Variants in NRXN3 observed in about 807,000 individuals in gnomAD.
NRXN3 encodes the protein neurexin III.
A neutral mutation model predicts 137.6 loss-of-function variants in NRXN3; 32 were observed. The ratio of observed to expected loss-of-function variants is 0.23; its 90% CI spans 0.18 to 0.31. NRXN3 has a LOEUF of 0.31. Among genes scored for constraint, NRXN3 ranks in the 10% least tolerant of loss-of-function variants. NRXN3 has a pLI of 1.00. For synonymous variants in NRXN3, 798 were observed against 784.5 expected, an observed-to-expected ratio of 1.02 and a Z score of -0.29; for missense variants, 1,574 against 2,062.5, an observed-to-expected ratio of 0.76 and a Z score of 4.59.
At chr14:79,579,182 A>G (rs1350287350) in intron 16 of NRXN3, among the ~76,000 whole-genome samples, 1 of 151,662 alleles carries the variant, frequency 6.6e-6, no homozygotes, top group African/African-American at 2.4e-5. Flanking sequence ...GTGAGTGGAC[A>G]CAGATGAAAA....
intron 15 of NRXN3, chr14:79,279,196 C>T (rs2080826567): frequency 1.6e-5 from 4 of 255,478 alleles, no homozygotes; most frequent in Non-Finnish European, 2.5e-5. Flanking sequence ...GCTGGAGGCT[C>T]GCGCGGGTGT....
chr14:79,707,549 A>G (rs2098785668), intron 19 of NRXN3, among the ~76,000 whole-genome samples: 3 of 152,176 alleles, frequency 2.0e-5, no homozygotes, highest in African/African-American at 7.2e-5. Flanking sequence ...AGGGTAGGTT[A>G]AGATAATATA....
At chr14:79,048,790 C>T (rs1333738215) in intron 15 of NRXN3, among the ~76,000 whole-genome samples, 1 of 149,646 alleles carries the variant, frequency 6.7e-6, no homozygotes, top group East Asian at 2.0e-4. Flanking sequence ...TTTGGGAGGC[C>T]GAGACGGGCG....
intron 4 of NRXN3, among the ~76,000 whole-genome samples, chr14:78,307,149 C>T (rs1449449382): frequency 6.6e-6 from 1 of 151,142 alleles, no homozygotes; most frequent in Non-Finnish European, 1.5e-5. Context: ...TTGGGGATGG[C>T]ATACACAGTG....
chr14:79,531,854 A>C (rs2153720996), intron 16 of NRXN3, among the ~76,000 whole-genome samples: 1 of 152,324 alleles, frequency 6.6e-6, no homozygotes, highest in East Asian at 1.9e-4. Flanking sequence ...GAGAAAAGCA[A>C]CTGAAGTTAC....
intron 4 of NRXN3, among the ~76,000 whole-genome samples, chr14:78,330,402 C>G (rs1311795432): frequency 5.3e-5 from 8 of 152,050 alleles, no homozygotes; most frequent in African/African-American, 1.7e-4. Flanking sequence ...AAAATTCTTC[C>G]TCTCATTTCA....
At chr14:79,379,043 TCTC>T (rs1407937823) in intron 15 of NRXN3, among the ~76,000 whole-genome samples, 1 of 152,158 alleles carries the variant, frequency 6.6e-6, no homozygotes, top group Non-Finnish European at 1.5e-5. Flanking sequence ...AGCCTTTACT[TCTC>T]CGCTTTCTCA....
Position 79,467,237 on chromosome 14 carries a change from C to A in NRXN3, c.3279C>A (p.Ile1093=). Residue 1093 remains isoleucine (I), a synonymous_variant, in exon 16 of 21, where the codon ATC becomes ATA. Coordinates refer to ENST00000335750, the MANE Select transcript of NRXN3 (RefSeq NM_001330195.2). The part of the protein sequence containing the change: ...NQCNDPGATY[I]FGKSGGLILY... ...CTTTTGCAGCTGGCGCTACGTACAT[C>A]TTTGGGAAAAGTGGTGGGCTTATCC... is the stretch of plus-strand genomic sequence containing the variant. The A allele has an allele frequency of 6.2e-7, 1 of 1,602,304 alleles. No homozygotes were observed. The highest frequency in any genetic ancestry group is 8.5e-7 in the Non-Finnish European group (1 of 1,170,360).
At chr14:79,616,169 G>A (rs1256976795) in intron 16 of NRXN3, among the ~76,000 whole-genome samples, 3 of 152,162 alleles carry the variant, frequency 2.0e-5, no homozygotes, top group African/African-American at 7.2e-5. Flanking sequence ...GAAACAGAAG[G>A]ATTGATTAGA....
At chr14:78,517,200 A>G (rs1205010993) in intron 4 of NRXN3, among the ~76,000 whole-genome samples, 1 of 152,136 alleles carries the variant, frequency 6.6e-6, no homozygotes, top group Non-Finnish European at 1.5e-5. Context: ...AAATGTATAA[A>G]TCAGTGTGCA....
chr14:79,627,546 C>T (rs1323176001), intron 16 of NRXN3, among the ~76,000 whole-genome samples: 1 of 152,194 alleles, frequency 6.6e-6, no homozygotes, highest in East Asian at 1.9e-4. Flanking sequence ...TTGCTTGATA[C>T]ATTTCCGAAT....
At chr14:79,776,611 T>C (rs1468880649) in intron 19 of NRXN3, among the ~76,000 whole-genome samples, 1 of 152,220 alleles carries the variant, frequency 6.6e-6, no homozygotes, top group East Asian at 1.9e-4. Context: ...TTCTCTGACG[T>C]AGAGGACTGA....
At chr14:78,207,540 C>T (rs1322073874) in intron 1 of NRXN3, among the ~76,000 whole-genome samples, 1 of 152,162 alleles carries the variant, frequency 6.6e-6, no homozygotes, top group Non-Finnish European at 1.5e-5. Flanking sequence ...GCAACTCCTA[C>T]TTGTTCTTAC....
At chr14:78,988,176 G>C (rs154325) in intron 15 of NRXN3, 35 bp downstream of exon 15, 589,266 of 1,610,574 alleles carry the variant, frequency 0.37, 115,468 homozygotes, top group African/African-American at 0.71. Flanking sequence ...GGAACTTTGT[G>C]AAGATGTTTG....
chr14:79,519,587 G>C (rs1409997101), intron 16 of NRXN3, among the ~76,000 whole-genome samples: 1 of 151,802 alleles, frequency 6.6e-6, no homozygotes, highest in East Asian at 1.9e-4. Flanking sequence ...ATAGATTATA[G>C]AATATGAGTG....
chr14:78,795,683 T>C (rs999193001), intron 8 of NRXN3, among the ~76,000 whole-genome samples: 5 of 152,208 alleles, frequency 3.3e-5, no homozygotes, highest in Non-Finnish European at 5.9e-5. Flanking sequence ...ATGTGAAATA[T>C]TTTTAATAGC....
chr14:78,490,671 G>A (rs1363525642), intron 4 of NRXN3, among the ~76,000 whole-genome samples: 1 of 152,140 alleles, frequency 6.6e-6, no homozygotes, highest in Non-Finnish European at 1.5e-5. Flanking sequence ...AATAATAGCA[G>A]TAAGCTAACT....
At chr14:79,487,698 G>T (rs1169476973) in intron 16 of NRXN3, among the ~76,000 whole-genome samples, 1 of 146,140 alleles carries the variant, frequency 6.8e-6, no homozygotes, top group Non-Finnish European at 1.5e-5. Context: ...TCTCAGTTGT[G>T]TGAGAGCCTG....
chr14:78,942,870 A>G (rs957918437), intron 10 of NRXN3, among the ~76,000 whole-genome samples: 1 of 152,192 alleles, frequency 6.6e-6, no homozygotes, highest in East Asian at 1.9e-4. Flanking sequence ...ATCACTATGT[A>G]CCCTGTAAAA....
Sources: gnomAD v4.1 joint callset for allele counts (sites outside exome capture counted in the v4.1 genomes callset) on GRCh38, gnomAD v4.1.1 for gene constraint, MANE v1.5 for transcripts, NCBI Gene and HGNC (gene_info 2026-07-23, HGNC 2026-07-21) for gene names.